The following FBXL17 variants were observed in gnomAD, a reference collection of about 807,000 sequenced individuals.
FBXL17 encodes F-box and leucine rich repeat protein 17.
A neutral mutation model predicts 66.2 loss-of-function variants in FBXL17; 22 were observed. The ratio of observed to expected loss-of-function variants is 0.33; its 90% CI spans 0.24 to 0.47. The LOEUF (loss-of-function observed/expected upper bound fraction) is 0.47, where lower values mean the gene tolerates loss of function less well. FBXL17 is among the 20% of genes least tolerant of loss of function. The pLI is 1.00. For synonymous variants in FBXL17, 474 were observed against 400.5 expected (o/e 1.18, Z -2.19); for missense variants, 878 against 948.2 (o/e 0.93, Z 0.97).
At chr5:108,031,109 G>C (rs1746611609) in intron 6 of FBXL17, among the ~76,000 whole-genome samples, 1 of 152,040 alleles carries the variant, frequency 6.6e-6, no homozygotes. Flanking sequence ...AACAGTATAA[G>C]CAAGTTAGCG....
At chr5:108,129,025 G>T (rs1245157714) in intron 6 of FBXL17, among the ~76,000 whole-genome samples, 1 of 152,064 alleles carries the variant, frequency 6.6e-6, no homozygotes, top group Non-Finnish European at 1.5e-5. Context: ...TACCAATCAT[G>T]ACTGAGAATT....
chr5:108,082,783 C>A (rs997579608), intron 6 of FBXL17, among the ~76,000 whole-genome samples: 27 of 152,058 alleles, frequency 1.8e-4, no homozygotes, highest in African/African-American at 6.3e-4. Context: ...ATTTCCTCAT[C>A]TTTGAACAGA....
At chr5:108,347,001 G>A (rs891740662) in intron 4 of FBXL17, among the ~76,000 whole-genome samples, 4 of 152,086 alleles carry the variant, frequency 2.6e-5, no homozygotes, top group Non-Finnish European at 1.5e-5. Context: ...AAAAAAGCAA[G>A]TCTTCTTTGT....
chr5:107,950,826 C>T (rs143012156), intron 7 of FBXL17, among the ~76,000 whole-genome samples: 157 of 152,260 alleles, frequency 1.0e-3, no homozygotes, highest in African/African-American at 3.5e-3. Flanking sequence ...ACATGATGGA[C>T]GTGATTAATG....
At chr5:108,156,574 T>C (rs879490408) in intron 6 of FBXL17, among the ~76,000 whole-genome samples, 17 of 151,956 alleles carry the variant, frequency 1.1e-4, no homozygotes, top group Non-Finnish European at 1.9e-4. Context: ...AATTTTAGCA[T>C]CCTATTAGGA....
intron 4 of FBXL17, among the ~76,000 whole-genome samples, chr5:108,279,141 C>T (rs1017343841): frequency 6.6e-6 from 1 of 152,184 alleles, no homozygotes; most frequent in Admixed American, 6.5e-5. Flanking sequence ...CTGCCATCAA[C>T]AATGCCATGT....
At chr5:108,260,506 T>G (rs2150125001) in intron 4 of FBXL17, among the ~76,000 whole-genome samples, 1 of 152,192 alleles carries the variant, frequency 6.6e-6, no homozygotes, top group Non-Finnish European at 1.5e-5. Context: ...CCCCTTTCAG[T>G]AGGCATAGGA....
chr5:107,952,679 G>A (rs1340366939), intron 7 of FBXL17, among the ~76,000 whole-genome samples: 1 of 152,162 alleles, frequency 6.6e-6, no homozygotes, highest in Non-Finnish European at 1.5e-5. Flanking sequence ...ATGTAGACCT[G>A]GAGTAAGTAA....
chr5:108,006,943 A>G (rs1753948802), intron 7 of FBXL17, among the ~76,000 whole-genome samples: 1 of 152,196 alleles, frequency 6.6e-6, no homozygotes, highest in Non-Finnish European at 1.5e-5. Context: ...TTTAAAGAAA[A>G]TTGCATGGAA....
At chr5:108,038,974 T>C (rs1250292379) in intron 6 of FBXL17, among the ~76,000 whole-genome samples, 2 of 152,078 alleles carry the variant, frequency 1.3e-5, no homozygotes, top group Non-Finnish European at 2.9e-5. Context: ...GTCTCAGGTC[T>C]AAGTAGAAGA....
intron 5 of FBXL17, among the ~76,000 whole-genome samples, chr5:108,218,907 T>C (rs890479566): frequency 6.6e-6 from 1 of 152,230 alleles, no homozygotes; most frequent in Non-Finnish European, 1.5e-5. Context: ...TCCTCTGCTA[T>C]ACAGATACAA....
intron 6 of FBXL17, among the ~76,000 whole-genome samples, chr5:108,149,724 C>T (rs548968264): frequency 1.5e-4 from 23 of 152,322 alleles, no homozygotes; most frequent in African/African-American, 5.5e-4. Context: ...CATTAATTTA[C>T]TGTGAACGGA....
intron 5 of FBXL17, among the ~76,000 whole-genome samples, chr5:108,193,884 G>A (rs1753570368): frequency 6.6e-6 from 1 of 151,870 alleles, no homozygotes; most frequent in Non-Finnish European, 1.5e-5. Context: ...TCCAAGGTGT[G>A]GTTTTGCCAT....
At chr5:108,042,215 T>A (rs1187303937) in intron 6 of FBXL17, among the ~76,000 whole-genome samples, 1 of 152,200 alleles carries the variant, frequency 6.6e-6, no homozygotes, top group Non-Finnish European at 1.5e-5. Context: ...ATCAAACTTT[T>A]TATTTTGTAA....
At chr5:108,064,422 T>C (rs923731197) in intron 6 of FBXL17, among the ~76,000 whole-genome samples, 4 of 151,880 alleles carry the variant, frequency 2.6e-5, no homozygotes, top group South Asian at 2.1e-4. Flanking sequence ...CCATGATGAG[T>C]GGTGAACATG....
chr5:108,232,847 A>G lies in FBXL17; in HGVS notation c.1507-8619T>C, dbSNP rs1755426656. Among the ~76,000 whole-genome samples the G allele has an allele frequency of 4.3e-5, 6 of 138,360 alleles. No homozygotes were observed. In the South Asian group the frequency reaches 1.1e-3, roughly 26 times the overall value. 90.8% of individuals were successfully genotyped at this position (138,360 alleles called of 152,430 possible). A position where few individuals can be genotyped will look rare whatever the true frequency, so the allele number is the denominator to read the frequency against. On this transcript the variant is annotated intron_variant, in intron 4 of 8. Transcript: ENST00000542267. The stretch of plus-strand genomic sequence containing the variant: ...CTGTCCCTCTAGGGATCCCTGACTA[A>G]CACAACAGTTTATTCATTTTATTAA...
At chr5:108,117,943 C>T (rs908191483) in intron 6 of FBXL17, among the ~76,000 whole-genome samples, 1 of 152,070 alleles carries the variant, frequency 6.6e-6, no homozygotes, top group Non-Finnish European at 1.5e-5. Flanking sequence ...TTCAAGTATT[C>T]TTCTTTGTCA....
At chr5:108,162,768 G>A (rs528885539) in intron 6 of FBXL17, among the ~76,000 whole-genome samples, 2 of 152,224 alleles carry the variant, frequency 1.3e-5, no homozygotes, top group Non-Finnish European at 2.9e-5. Context: ...ACCTCACAGG[G>A]TTATCGGAAA....
intron 4 of FBXL17, among the ~76,000 whole-genome samples, chr5:108,300,653 G>C (rs1205653455): frequency 6.6e-6 from 1 of 151,636 alleles, no homozygotes; most frequent in Admixed American, 6.6e-5. Flanking sequence ...CTGGAGGGCA[G>C]CTTCTAGACC....
Sources: allele counts gnomAD v4.1 joint callset (sites outside exome capture counted in the v4.1 genomes callset), GRCh38; gene constraint gnomAD v4.1.1; transcripts MANE v1.5; gene names NCBI Gene and HGNC (gene_info 2026-07-23, HGNC 2026-07-21).